FYB2: variants seen among roughly 807,000 people sequenced by gnomAD.
The protein encoded by FYB2 is FYN binding protein 2, also known as FYN-binding protein 2.
A neutral mutation model predicts 94.1 loss-of-function variants in FYB2; 103 were observed. The observed-to-expected ratio is 1.09, with a 90% CI of 0.93 to 1.29. The LOEUF (loss-of-function observed/expected upper bound fraction) is 1.29, where lower values mean the gene tolerates loss of function less well. FYB2 is among the 50% of genes most tolerant of loss of function. The pLI is 0.00. For missense variants in FYB2, 896 were observed against 841.5 expected, an observed-to-expected ratio of 1.06 and a Z score of -0.80; for synonymous variants, 293 against 287.9, an observed-to-expected ratio of 1.02 and a Z score of -0.18.
chr1:56,781,051 T>C (rs1645997562), intron 4 of FYB2, among the ~76,000 whole-genome samples: 2 of 152,224 alleles, frequency 1.3e-5, no homozygotes, highest in South Asian at 4.1e-4. Context: ...TGTTCGTCAA[T>C]CAGGTCAGGT....
chr1:56,737,802 T>G (rs1644862386), intron 14 of FYB2, among the ~76,000 whole-genome samples: 1 of 152,106 alleles, frequency 6.6e-6, no homozygotes, highest in East Asian at 1.9e-4. Context: ...CTTATTTTAT[T>G]AAATACCTTC....
intron 2 of FYB2, among the ~76,000 whole-genome samples, chr1:56,789,981 T>C (rs2100958820): frequency 6.6e-6 from 1 of 152,300 alleles, no homozygotes; most frequent in Non-Finnish European, 1.5e-5. Context: ...GTCCTGGAAT[T>C]TTCCAGGAAA....
At chr1:56,775,954 C>T (rs1645865590) in intron 4 of FYB2, among the ~76,000 whole-genome samples, 1 of 152,186 alleles carries the variant, frequency 6.6e-6, no homozygotes, top group African/African-American at 2.4e-5. Flanking sequence ...TATGCATTAT[C>T]TCACATAATC....
intron 5 of FYB2, among the ~76,000 whole-genome samples, chr1:56,765,816 GTCT>G (rs967172380): frequency 6.6e-6 from 1 of 152,184 alleles, no homozygotes; most frequent in African/African-American, 2.4e-5. Flanking sequence ...GAGTCATCTA[GTCT>G]TCTTATGTTT....
chr1:56,726,429 C>A, intron 16 of FYB2, 68 bp downstream of exon 16: 3 of 1,402,622 alleles, frequency 2.1e-6, no homozygotes, highest in South Asian at 2.5e-5. Flanking sequence ...TTATCTGAGG[C>A]CACACAGCTA....
At chr1:56,725,730 T>A (rs1303966322) in intron 16 of FYB2, among the ~76,000 whole-genome samples, 1 of 152,082 alleles carries the variant, frequency 6.6e-6, no homozygotes, top group African/African-American at 2.4e-5. Context: ...GGCCATCCAA[T>A]GCCATCCTCT....
At chr1:56,744,306 C>T (rs774226305) in intron 9 of FYB2, 40 bp from the exon 10 acceptor site, 23 of 1,459,172 alleles carry the variant, frequency 1.6e-5, no homozygotes, top group South Asian at 1.0e-4. Context: ...ATCACATCAG[C>T]TGCCATCATA....
chr1:56,785,684 C>T (rs1396659492), intron 4 of FYB2, among the ~76,000 whole-genome samples: 1 of 152,198 alleles, frequency 6.6e-6, no homozygotes, highest in Non-Finnish European at 1.5e-5. Flanking sequence ...ACTTTCTACA[C>T]TCTAAGTGTA....
intron 1 of FYB2, among the ~76,000 whole-genome samples, chr1:56,799,165 G>A (rs1646465577): frequency 6.6e-6 from 1 of 152,118 alleles, no homozygotes; most frequent in African/African-American, 2.4e-5. Flanking sequence ...CTAAGAGAGA[G>A]GTTAAGTAAC....
chr1:56,739,775 C>T (rs1644909175), intron 13 of FYB2, among the ~76,000 whole-genome samples: 2 of 152,032 alleles, frequency 1.3e-5, no homozygotes, highest in African/African-American at 4.8e-5. Flanking sequence ...TATAGACAGG[C>T]TTTGTGTTAG....
chr1:56,739,951 A>G (rs1644914060), intron 13 of FYB2, among the ~76,000 whole-genome samples: 1 of 152,064 alleles, frequency 6.6e-6, no homozygotes. Flanking sequence ...ATTGAGGTGC[A>G]CCTGAATATC....
chr1:56,746,153 A>T (rs1394762136), intron 9 of FYB2, among the ~76,000 whole-genome samples: 3 of 151,958 alleles, frequency 2.0e-5, no homozygotes, highest in Non-Finnish European at 4.4e-5. Context: ...CTCTGATCCG[A>T]AAGTAACCTC....
At chr1:56,721,883 A>G (rs1401829989) in intron 17 of FYB2, among the ~76,000 whole-genome samples, 1 of 152,098 alleles carries the variant, frequency 6.6e-6, no homozygotes, top group African/African-American at 2.4e-5. Context: ...AAAATAGTAG[A>G]CAGTCTTATT....
At chr1:56,767,690 AAAAAAG>A in intron 5 of FYB2, 133 bp downstream of exon 5, 1 of 682,720 alleles carries the variant, frequency 1.5e-6, no homozygotes, top group Non-Finnish European at 2.5e-6. Context: ...ACACAGAAAA[AAAAAAG>A]AAAAAGAAAT....
At chr1:56,734,897 A>G (rs1014384881) in intron 15 of FYB2, among the ~76,000 whole-genome samples, 1 of 151,998 alleles carries the variant, frequency 6.6e-6, no homozygotes, top group African/African-American at 2.4e-5. Flanking sequence ...GCAAATCAAA[A>G]CCACAATGAG....
chr1:56,737,988 G>A (rs1644867568), intron 14 of FYB2, among the ~76,000 whole-genome samples: 1 of 151,974 alleles, frequency 6.6e-6, no homozygotes, highest in South Asian at 2.1e-4. Flanking sequence ...TGTCAAGTTC[G>A]AGTGACATCC....
chr1:56,737,411 A>C (rs1157848899), intron 14 of FYB2: 1 of 284,508 alleles, frequency 3.5e-6, no homozygotes, highest in Non-Finnish European at 6.4e-6. Flanking sequence ...ATTTGCTTTT[A>C]CATAGAGTTC....
rs778887500 is a variant in FYB2, at chr1:56,767,845, T to C, written c.1047A>G (p.Ala349=). The C allele has an allele frequency of 2.5e-6, 4 of 1,606,622 alleles. No individual in the cohort carries two copies. The East Asian group carries it at 8.9e-5, about 36-fold the overall frequency. Residue 349 remains alanine (A), a synonymous_variant, in exon 5 of 20, where the codon GCA becomes GCG. Transcript: ENST00000343433. ...CAGACTTACGATCAGCAATTTCTTTTGCAGTGCACAGGTTAATGGAGTTGC... is the reference window on the plus strand; with the variant it reads ...CAGACTTACGATCAGCAATTTCTTTCGCAGTGCACAGGTTAATGGAGTTGC... The part of the protein sequence containing the change: ...HSGNSINLCT[A]KEIADPTYEV...
At chr1:56,783,701 T>C (rs1195015718) in intron 4 of FYB2, among the ~76,000 whole-genome samples, 2 of 151,680 alleles carry the variant, frequency 1.3e-5, no homozygotes, top group East Asian at 1.9e-4. Flanking sequence ...CAAAGAAGCG[T>C]GTGTGTGTGT....
Sources: allele counts gnomAD v4.1 joint callset (sites outside exome capture counted in the v4.1 genomes callset), GRCh38; gene constraint gnomAD v4.1.1; transcripts MANE v1.5; gene names NCBI Gene and HGNC (gene_info 2026-07-23, HGNC 2026-07-21).